AGBL4: variants seen among roughly 807,000 people sequenced by gnomAD.
AGBL4 encodes AGBL carboxypeptidase 4.
In AGBL4, 58 loss-of-function variants were observed where a neutral mutation model predicts 66.4. The ratio of observed to expected loss-of-function variants is 0.87; its 90% CI spans 0.71 to 1.09. The LOEUF (loss-of-function observed/expected upper bound fraction) is 1.09, where lower values mean the gene tolerates loss of function less well. Ranked by LOEUF, AGBL4 falls within the 50% of genes least tolerant of loss-of-function variation. The pLI, the probability that AGBL4 is intolerant of heterozygous loss-of-function variation, is 0.00. For missense variants in AGBL4, 579 were observed against 631.0 expected, an observed-to-expected ratio of 0.92 and a Z score of 0.88; for synonymous variants, 234 against 222.9, an observed-to-expected ratio of 1.05 and a Z score of -0.44.
intron 2 of AGBL4, among the ~76,000 whole-genome samples, chr1:49,812,514 T>C (rs189732247): frequency 6.6e-6 from 1 of 152,308 alleles, no homozygotes; most frequent in Admixed American, 6.5e-5. Context: ...TCTTCCAACC[T>C]AACAAACACT....
At chr1:48,687,367 G>A (rs914640069) in intron 6 of AGBL4, among the ~76,000 whole-genome samples, 8 of 152,062 alleles carry the variant, frequency 5.3e-5, no homozygotes, top group East Asian at 1.9e-4. Flanking sequence ...GAGGAGAGGC[G>A]GTGGAGAAAA....
intron 3 of AGBL4, among the ~76,000 whole-genome samples, chr1:49,306,262 A>G (rs767651232): frequency 1.3e-5 from 2 of 152,166 alleles, no homozygotes; most frequent in Non-Finnish European, 2.9e-5. Context: ...GATATCCTTT[A>G]TGATAAAAGC....
Position 49,559,116 on chromosome 1 carries a change from G to A in AGBL4, c.282+138197C>T, listed in dbSNP as rs193023867. The stretch of plus-strand genomic sequence containing the variant: ...ATCGGAAGTACCTAAGGTCTTGGGT[G>A]AGATCCAGTGCTGTGATGGCTTCAG... On this transcript the variant is annotated intron_variant, in intron 3 of 13. Coordinates refer to ENST00000371839, the MANE Select transcript of AGBL4 (RefSeq NM_032785.4). 4.0e-4 allele frequency among the ~76,000 whole-genome samples: 61 copies of A among 152,266 alleles called. 1 individual carries two copies. Among genetic ancestry groups the A allele is most frequent in the African/African-American group, 1.4e-3 (58 of 41,556 alleles).
intron 3 of AGBL4, among the ~76,000 whole-genome samples, chr1:49,299,951 A>G (rs1215950407): frequency 6.6e-6 from 1 of 152,190 alleles, no homozygotes; most frequent in East Asian, 1.9e-4. Context: ...CATACCTGGA[A>G]TAAATCCCAA....
intron 6 of AGBL4, among the ~76,000 whole-genome samples, chr1:48,743,009 C>T (rs1227899067): frequency 2.0e-5 from 3 of 152,186 alleles, no homozygotes; most frequent in Admixed American, 1.3e-4. Context: ...GAATGAAGAG[C>T]ACTCTTCCAG....
At chr1:49,651,695 C>A (rs948630204) in intron 3 of AGBL4, among the ~76,000 whole-genome samples, 2 of 151,358 alleles carry the variant, frequency 1.3e-5, no homozygotes, top group East Asian at 3.9e-4. Flanking sequence ...TCTCAAGGTA[C>A]AAATTAAAAA....
intron 5 of AGBL4, among the ~76,000 whole-genome samples, chr1:49,024,768 G>GGT (rs1663515153): frequency 6.6e-6 from 1 of 152,118 alleles, no homozygotes; most frequent in African/African-American, 2.4e-5. Context: ...TTATATCCAA[G>GGT]AACTTACAAA....
chr1:48,796,667 T>A (rs914298589), intron 6 of AGBL4, among the ~76,000 whole-genome samples: 2 of 152,150 alleles, frequency 1.3e-5, no homozygotes, highest in African/African-American at 4.8e-5. Context: ...GTTTAGCAGG[T>A]CAGGTAAGTG....
intron 2 of AGBL4, among the ~76,000 whole-genome samples, chr1:49,837,987 A>T (rs1470880773): frequency 6.6e-6 from 1 of 152,214 alleles, no homozygotes; most frequent in Non-Finnish European, 1.5e-5. Flanking sequence ...TCAATGAGAA[A>T]GGTTTCTTGC....
intron 3 of AGBL4, among the ~76,000 whole-genome samples, chr1:49,594,301 T>C (rs998534696): frequency 2.6e-5 from 4 of 152,194 alleles, no homozygotes; most frequent in African/African-American, 4.8e-5. Context: ...CTTTTCCTCA[T>C]AGGCCATTTG....
In AGBL4 at chr1:48,652,742, A is replaced by G. The variant is rs142740446; in HGVS notation, c.839+595T>C. Among the ~76,000 whole-genome samples, 959 of 152,278 alleles carry G rather than the reference A, an allele frequency of 6.3e-3. 15 individuals carry two copies. The highest frequency in any genetic ancestry group is 7.9e-3 in the Non-Finnish European group (534 of 68,016). On this transcript the variant is annotated intron_variant, in intron 8 of 13. Transcript: ENST00000371839. ...GGCAGATAATCTTCTGGGCAGTGGA[A>G]TTTTAGGCTGTAAATTATGGTGCTA...
At chr1:49,846,446 G>A in intron 2 of AGBL4, 2 of 1,354,214 alleles carry the variant, frequency 1.5e-6, no homozygotes, top group Non-Finnish European at 2.0e-6. Flanking sequence ...TTAAGACATA[G>A]CTCATCCCTT....
At chr1:49,876,898 G>A (rs1647026385) in intron 1 of AGBL4, among the ~76,000 whole-genome samples, 1 of 150,450 alleles carries the variant, frequency 6.6e-6, no homozygotes, top group Non-Finnish European at 1.5e-5. Flanking sequence ...GGATTCCTAG[G>A]TATTTTATTC....
At chr1:49,179,188 G>A (rs891809782) in intron 4 of AGBL4, among the ~76,000 whole-genome samples, 2 of 152,020 alleles carry the variant, frequency 1.3e-5, no homozygotes, top group African/African-American at 4.8e-5. Context: ...ATAGTTTGGA[G>A]GTCAACACAA....
Position 49,005,210 on chromosome 1 carries a change from C to T in AGBL4, c.594+40374G>A, listed in dbSNP as rs181288052. Reference sequence around the variant, plus strand: ...GAAAGTCACATTCAACTCTGAATTCCCATAGAAACTAAATTTCAAGTTAGA... The same window carrying T: ...GAAAGTCACATTCAACTCTGAATTCTCATAGAAACTAAATTTCAAGTTAGA... On this transcript the variant is annotated intron_variant, in intron 5 of 13. Transcript: ENST00000371839. Among the ~76,000 whole-genome samples, 24 of 152,306 alleles carry T rather than the reference C, an allele frequency of 1.6e-4. 1 individual carries two copies. The East Asian group carries it at 4.4e-3, about 28-fold the overall frequency.
At chr1:49,824,496 T>G (rs977319488) in intron 2 of AGBL4, among the ~76,000 whole-genome samples, 1 of 152,146 alleles carries the variant, frequency 6.6e-6, no homozygotes, top group Non-Finnish European at 1.5e-5. Context: ...AAGAAATGAT[T>G]GATAATGAAA....
intron 2 of AGBL4, among the ~76,000 whole-genome samples, chr1:49,826,228 T>A (rs1272169308): frequency 2.6e-5 from 4 of 151,920 alleles, no homozygotes; most frequent in African/African-American, 7.3e-5. Context: ...GGAAGTTTTT[T>A]AAAAAAAACA....
chr1:49,905,894 T>C (rs1423476145), intron 1 of AGBL4, among the ~76,000 whole-genome samples: 2 of 152,122 alleles, frequency 1.3e-5, no homozygotes, highest in Admixed American at 1.3e-4. Flanking sequence ...TTTAAGAGAA[T>C]AGAGCTTTAA....
At chr1:49,468,870 G>T (rs1646683569) in intron 3 of AGBL4, among the ~76,000 whole-genome samples, 1 of 151,870 alleles carries the variant, frequency 6.6e-6, no homozygotes, top group South Asian at 2.1e-4. Flanking sequence ...AGTAAATGAA[G>T]AAATGCCCTT....
Sources: gnomAD v4.1 joint callset for allele counts (sites outside exome capture counted in the v4.1 genomes callset) on GRCh38, gnomAD v4.1.1 for gene constraint, MANE v1.5 for transcripts, NCBI Gene and HGNC (gene_info 2026-07-23, HGNC 2026-07-21) for gene names.